Variants in IL1RAPL1 observed in about 807,000 individuals in gnomAD.
The protein encoded by IL1RAPL1 is interleukin 1 receptor accessory protein like 1, also known as interleukin-1 receptor accessory protein-like 1.
A neutral mutation model predicts 48.4 loss-of-function variants in IL1RAPL1; 3 were observed. That is an observed-to-expected ratio of 0.06 (90% CI 0.03 to 0.16). IL1RAPL1 has a LOEUF of 0.16. Ranked by LOEUF, IL1RAPL1 falls within the 10% of genes least tolerant of loss-of-function variation. IL1RAPL1 has a pLI of 1.00. For missense variants in IL1RAPL1, 349 were observed against 530.6 expected (o/e 0.66, Z 3.36); for synonymous variants, 185 against 187.7 (o/e 0.99, Z 0.12).
chrX:28,612,168 A>G (rs1424862542), intron 1 of IL1RAPL1, among the ~76,000 whole-genome samples: 1 of 111,284 alleles, frequency 9.0e-6, no homozygotes, highest in Admixed American at 9.6e-5. Flanking sequence ...ATGACCCGCC[A>G]CTCTGCTGTT....
intron 1 of IL1RAPL1, among the ~76,000 whole-genome samples, chrX:28,604,812 A>T (rs1391654528): frequency 1.8e-5 from 2 of 110,900 alleles, no homozygotes; most frequent in African/African-American, 6.6e-5. Context: ...CCTTATTTTA[A>T]TATTTTAACA....
At chrX:29,415,673 C>A (rs936193995) in intron 5 of IL1RAPL1, among the ~76,000 whole-genome samples, 79 of 112,266 alleles carry the variant, frequency 7.0e-4, no homozygotes, top group African/African-American at 2.4e-3. Flanking sequence ...CCCACTTTGG[C>A]CTCCCAAAGT....
At chrX:28,689,376 C>A (rs1025870140) in intron 1 of IL1RAPL1, among the ~76,000 whole-genome samples, 16 of 110,855 alleles carry the variant, frequency 1.4e-4, no homozygotes, top group African/African-American at 4.9e-4. Context: ...CATTTCTCTC[C>A]CCTGCTGCCA....
Position 28,649,777 on chromosome X carries a change from G to A in IL1RAPL1, c.-25+61730G>A, listed in dbSNP as rs755654560. On this transcript the variant is annotated intron_variant, in intron 1 of 10. Transcript: ENST00000378993. ...TCAGGGTGATGGGAGAAGCACAGAT[G>A]AAGGCAGTCCCATCCTGATAGGGCT... Among the ~76,000 whole-genome samples the A allele has an allele frequency of 3.6e-5, 4 of 112,230 alleles. No homozygotes were observed. In the South Asian group the frequency reaches 1.1e-3, roughly 31 times the overall value.
At chrX:29,892,464 A>T (rs1932290704) in intron 6 of IL1RAPL1, among the ~76,000 whole-genome samples, 1 of 112,739 alleles carries the variant, frequency 8.9e-6, no homozygotes, top group African/African-American at 3.2e-5. Context: ...ATTGTTTGCA[A>T]ATAACTTTGC....
chrX:29,080,932 C>CTTTCTTTCTTTCTTTCT lies in IL1RAPL1; in HGVS notation c.83-202003_83-201987dup, dbSNP rs1569232635. On this transcript the variant is annotated intron_variant, in intron 2 of 10. Transcript: ENST00000378993. Reference sequence around the variant, plus strand: ...TATTTTTTTTAAATATTTTTTCTTTCTTTCTTTCTTTCTTTCTTTCTTTCT... The same window carrying CTTTCTTTCTTTCTTTCT: ...TATTTTTTTTAAATATTTTTTCTTTCTTTCTTTCTTTCTTTCTTTTCTTTCTTTCTTTCTTTCTTTCT... 3.6e-3 allele frequency among the ~76,000 whole-genome samples: 95 copies of CTTTCTTTCTTTCTTTCT among 26,481 alleles called. 8 individuals carry two copies. Among genetic ancestry groups the CTTTCTTTCTTTCTTTCT allele is most frequent in the East Asian group, 0.011 (7 of 633 alleles). 23.0% of individuals were successfully genotyped at this position (26,481 alleles called of 115,157 possible).
intron 5 of IL1RAPL1, 146 bp from the exon 6 acceptor site, chrX:29,668,284 C>G: frequency 1.9e-6 from 1 of 514,975 alleles, no homozygotes; most frequent in Non-Finnish European, 3.4e-6. Flanking sequence ...AAGGTGTTAT[C>G]TGCAGTATGT....
At chrX:29,048,739 T>C (rs1927029313) in intron 2 of IL1RAPL1, among the ~76,000 whole-genome samples, 2 of 112,152 alleles carry the variant, frequency 1.8e-5, no homozygotes, top group Admixed American at 1.9e-4. Flanking sequence ...GTTCTAAATA[T>C]AATAGTACCA....
At chrX:28,703,954 A>G (rs1002473050) in intron 1 of IL1RAPL1, among the ~76,000 whole-genome samples, 3 of 111,823 alleles carry the variant, frequency 2.7e-5, no homozygotes, top group African/African-American at 3.2e-5. Context: ...ACATGCTTCA[A>G]AGACCTTAGG....
intron 2 of IL1RAPL1, among the ~76,000 whole-genome samples, chrX:28,884,730 A>G (rs752361871): frequency 3.6e-5 from 4 of 112,226 alleles, no homozygotes; most frequent in Non-Finnish European, 5.6e-5. Context: ...ATGACTGATC[A>G]GATAACATAC....
chrX:28,868,496 G>A (rs1463699001), intron 2 of IL1RAPL1, among the ~76,000 whole-genome samples: 4 of 109,982 alleles, frequency 3.6e-5, no homozygotes. Context: ...TTATGTCTTT[G>A]CCCCTTCTCC....
intron 6 of IL1RAPL1, among the ~76,000 whole-genome samples, chrX:29,821,691 T>A (rs1021099980): frequency 9.2e-6 from 1 of 108,876 alleles, no homozygotes; most frequent in Non-Finnish European, 1.9e-5. Flanking sequence ...AAAATTAATT[T>A]AACTTTAATG....
chrX:28,607,160 A>G (rs1226074516), intron 1 of IL1RAPL1, among the ~76,000 whole-genome samples: 1 of 109,030 alleles, frequency 9.2e-6, no homozygotes, highest in South Asian at 4.0e-4. Context: ...TTTCATTCGC[A>G]TAGCTTAGTC....
intron 5 of IL1RAPL1, among the ~76,000 whole-genome samples, chrX:29,586,027 T>C (rs1186836057): frequency 1.8e-5 from 2 of 111,660 alleles, no homozygotes; most frequent in African/African-American, 6.5e-5. Context: ...GTTGTTGTTG[T>C]CGTGTAGGAG....
chrX:28,956,169 A>G (rs1366046898), intron 2 of IL1RAPL1, among the ~76,000 whole-genome samples: 6 of 108,046 alleles, frequency 5.6e-5, no homozygotes, highest in Non-Finnish European at 7.6e-5. Context: ...GGGCTGAGAC[A>G]GTGGGGTTTT....
intron 5 of IL1RAPL1, among the ~76,000 whole-genome samples, chrX:29,498,798 A>G (rs1935242247): frequency 8.9e-6 from 1 of 111,930 alleles, no homozygotes; most frequent in Non-Finnish European, 1.9e-5. Flanking sequence ...GTATAAAGCC[A>G]TCTTATAAGT....
intron 3 of IL1RAPL1, among the ~76,000 whole-genome samples, chrX:29,287,906 A>G (rs1226328097): frequency 9.0e-6 from 1 of 111,456 alleles, no homozygotes; most frequent in African/African-American, 3.3e-5. Context: ...TTTAATTATG[A>G]TAAGTTTCAA....
chrX:29,853,666 C>T (rs1487060583), intron 6 of IL1RAPL1, among the ~76,000 whole-genome samples: 2 of 111,743 alleles, frequency 1.8e-5, no homozygotes, highest in Non-Finnish European at 3.8e-5. Context: ...TTAGAAGCAA[C>T]TTGATTATAA....
chrX:29,321,625 G>T (rs180716734), intron 3 of IL1RAPL1, among the ~76,000 whole-genome samples: 140 of 111,749 alleles, frequency 1.3e-3, no homozygotes, highest in African/African-American at 4.4e-3. Flanking sequence ...TCAAAAGGAG[G>T]TTTGCTCCTT....
Sources: gnomAD v4.1 joint callset for allele counts (sites outside exome capture counted in the v4.1 genomes callset) on GRCh38, gnomAD v4.1.1 for gene constraint, MANE v1.5 for transcripts, NCBI Gene and HGNC (gene_info 2026-07-23, HGNC 2026-07-21) for gene names.